POLR1B: variants seen among roughly 807,000 people sequenced by gnomAD.
POLR1B encodes DNA-directed RNA polymerase I subunit RPA2.
POLR1B carries 30 observed loss-of-function variants against 105.8 expected under a neutral mutation model. The observed-to-expected ratio is 0.28, with a 90% CI of 0.21 to 0.38. POLR1B has a LOEUF of 0.38. Among genes scored for constraint, POLR1B ranks in the 10% least tolerant of loss-of-function variants. POLR1B has a pLI of 1.00. For missense variants in POLR1B, 976 were observed against 1,435.8 expected (o/e 0.68, Z 5.17); for synonymous variants, 485 against 505.1 (o/e 0.96, Z 0.53).
intron 12 of POLR1B, among the ~76,000 whole-genome samples, 181 bp from the exon 13 acceptor site, chr2:112,572,381 T>C (rs556803273): frequency 6.6e-6 from 1 of 152,384 alleles, no homozygotes; most frequent in East Asian, 1.9e-4. Context: ...GTCACGTTGA[T>C]ACATTTAGGT....
chr2:112,552,242 C>G (rs1264909327), intron 6 of POLR1B, among the ~76,000 whole-genome samples: 2 of 152,124 alleles, frequency 1.3e-5, no homozygotes, highest in African/African-American at 4.8e-5. Flanking sequence ...TTCAGACTTC[C>G]AGAATAATGT....
At position 112,542,668 on chromosome 2, in the gene POLR1B, G is replaced by C. The variant is rs936805055; in HGVS notation, c.174G>C (p.Val58=). 58 of 1,611,538 alleles carry C rather than the reference G, an allele frequency of 3.6e-5. No individual in the cohort carries two copies. Among genetic ancestry groups the C allele is most frequent in the Non-Finnish European group, 4.7e-5 (55 of 1,178,752 alleles). The change falls in exon 1 of 15, where the codon GTG becomes GTC. Residue 58 remains valine (V), a synonymous_variant. Transcript: ENST00000263331. ...TGCACGAGGGTCTCGGCCTCGCGGT[G>C]CAGGTGAGCGCGGCGTCCGCCGGCG... ...YAVHEGLGLA[V]QAIPPFEFAF...
chr2:112,558,055 C>T lies in POLR1B; in HGVS notation c.1304C>T (p.Ala435Val). 2 of 1,350,158 alleles carry T rather than the reference C, an allele frequency of 1.5e-6. No individual in the cohort carries two copies. The highest frequency in any genetic ancestry group is 1.9e-6 in the Non-Finnish European group (2 of 1,039,418). The allele number at this position is 1,350,158 out of a possible 1,614,324, so 83.6% of individuals were successfully genotyped here. ...DLTKPFEYLF[A>V]TGNLRSKTGL... ...ACAAAACCATTTGAATACCTTTTTG[C>T]TACTGGGAATCTGCGTTCTAAAACA... Residue 435 changes from alanine to valine, a missense_variant, in exon 8 of 15, where the codon GCT becomes GTT. Coordinates refer to ENST00000263331, the MANE Select transcript of POLR1B (RefSeq NM_019014.6).
intron 4 of POLR1B, among the ~76,000 whole-genome samples, chr2:112,550,290 T>G (rs1294662270): frequency 6.6e-6 from 1 of 152,240 alleles, no homozygotes; most frequent in African/African-American, 2.4e-5. Context: ...TGTTGGAACA[T>G]TCTCTTTGAC....
intron 10 of POLR1B, among the ~76,000 whole-genome samples, chr2:112,567,309 TG>T (rs1684337196): frequency 6.6e-6 from 1 of 151,992 alleles, no homozygotes; most frequent in African/African-American, 2.4e-5. Flanking sequence ...TTGTTGTTGT[TG>T]TTGTTGTTGT....
In POLR1B at chr2:112,564,351, T is replaced by C; in HGVS notation, c.1613-15T>C. ...AGCATTCTGATGTGATTGTGCTGTT[T>C]GTTTCCTTTACCAGGGGTCACTCCC... On this transcript the variant is annotated splice_polypyrimidine_tract_variant and intron_variant, in intron 9 of 14. Transcript: ENST00000263331. 1 of 1,613,688 alleles carries C rather than the reference T, an allele frequency of 6.2e-7. No individual in the cohort carries two copies. The highest frequency in any genetic ancestry group is 8.5e-7 in the Non-Finnish European group (1 of 1,179,652).
chr2:112,571,063 A>G (rs933787639), intron 12 of POLR1B, among the ~76,000 whole-genome samples: 1 of 152,176 alleles, frequency 6.6e-6, no homozygotes, highest in Non-Finnish European at 1.5e-5. Flanking sequence ...TACAGGCATG[A>G]GCCATTGCGC....
At chr2:112,571,537 C>T (rs992577500) in intron 12 of POLR1B, among the ~76,000 whole-genome samples, 2 of 152,110 alleles carry the variant, frequency 1.3e-5, no homozygotes, top group Middle Eastern at 3.2e-3. Context: ...ACTTGGTGAA[C>T]GTGGCAGTTG....
chr2:112,565,696 C>T (rs1049049245), intron 10 of POLR1B, among the ~76,000 whole-genome samples: 4 of 151,988 alleles, frequency 2.6e-5, no homozygotes, highest in Non-Finnish European at 5.9e-5. Flanking sequence ...AGCAGCCTGA[C>T]CACAGGACTG....
intron 5 of POLR1B, 139 bp downstream of exon 5, chr2:112,551,141 C>G: frequency 1.1e-6 from 1 of 901,564 alleles, no homozygotes. Flanking sequence ...CGTCAAAATT[C>G]AATAGCTTAA....
chr2:112,569,481 A>C (rs1332189640), intron 12 of POLR1B, among the ~76,000 whole-genome samples: 2 of 152,260 alleles, frequency 1.3e-5, no homozygotes, highest in South Asian at 2.1e-4. Flanking sequence ...TCCAACACTT[A>C]AAAGTTGTTG....
rs1296331899 is a variant in POLR1B, at chr2:112,546,996, G to A, written c.178-16G>A. Reference sequence around the variant, plus strand: ...TTGGAAATGCAAGCAATTTAATAGTGTGAATTGCATTTCAGGCTATACCTC... The same window carrying A: ...TTGGAAATGCAAGCAATTTAATAGTATGAATTGCATTTCAGGCTATACCTC... On this transcript the variant is annotated splice_polypyrimidine_tract_variant and intron_variant, in intron 1 of 14. Coordinates refer to ENST00000263331, the MANE Select transcript of POLR1B (RefSeq NM_019014.6). The A allele has an allele frequency of 1.2e-6, 2 of 1,612,824 alleles. No individual in the cohort carries two copies. The highest frequency in any genetic ancestry group is 1.7e-6 in the Non-Finnish European group (2 of 1,179,196).
intron 10 of POLR1B, among the ~76,000 whole-genome samples, chr2:112,564,849 T>G (rs1684193678): frequency 6.6e-6 from 1 of 152,202 alleles, no homozygotes; most frequent in African/African-American, 2.4e-5. Context: ...ATATGCAAGG[T>G]AGAAGTTATA....
In POLR1B at chr2:112,576,689, T is replaced by C. The variant is rs1432251993; in HGVS notation, c.*960T>C. 6.6e-6 allele frequency: 1 copy of C among 152,346 alleles called. No homozygotes were observed. Among genetic ancestry groups the C allele is most frequent in the South Asian group, 2.1e-4 (1 of 4,826 alleles). The allele number at this position is 152,346 out of a possible 1,614,324, so 9.4% of individuals were successfully genotyped here. A position where few individuals can be genotyped will look rare whatever the true frequency, so the allele number is the denominator to read the frequency against. On this transcript the variant is annotated 3_prime_UTR_variant, in exon 15 of 15. Coordinates refer to ENST00000263331, the MANE Select transcript of POLR1B (RefSeq NM_019014.6). Reference sequence around the variant, plus strand: ...AGCCAGGCATGGTGCTGTGCATCTATAGTCCCTGCTATTTGAGAGGCTGAG... The same window carrying C: ...AGCCAGGCATGGTGCTGTGCATCTACAGTCCCTGCTATTTGAGAGGCTGAG...
At chr2:112,574,725 A>T (rs1452252340) in intron 14 of POLR1B, 122 bp from the exon 15 acceptor site, 13 of 14,360 alleles carry the variant, frequency 9.1e-4, no homozygotes, top group South Asian at 2.4e-3. Context: ...CTGTATCATA[A>T]AAAAAAAAAA....
chr2:112,542,151 A>G, upstream of POLR1B: 1 of 1,535,746 alleles, frequency 6.5e-7, no homozygotes, highest in South Asian at 1.2e-5. Flanking sequence ...TGACTGAGCC[A>G]ATGAGAGCCA....
intron 14 of POLR1B, 55 bp downstream of exon 14, chr2:112,573,870 A>C: frequency 1.3e-6 from 2 of 1,573,658 alleles, no homozygotes; most frequent in Non-Finnish European, 8.7e-7. Flanking sequence ...GTTTTGAGAC[A>C]GGGTCTCAGT....
intron 5 of POLR1B, 81 bp from the exon 6 acceptor site, chr2:112,551,694 A>T: frequency 8.4e-7 from 1 of 1,190,728 alleles, no homozygotes; most frequent in Non-Finnish European, 1.2e-6. Flanking sequence ...TATTAAAAAA[A>T]TGAGAGAAGA....
Position 112,546,815 on chromosome 2 carries a change from G to C in POLR1B, c.178-197G>C, listed in dbSNP as rs1165851055. Reference sequence around the variant, plus strand: ...CCTGACCTTGTGATCCTCCCACCTCGGCCTCCCAAAGTGCTGAGATTACAG... The same window carrying C: ...CCTGACCTTGTGATCCTCCCACCTCCGCCTCCCAAAGTGCTGAGATTACAG... On this transcript the variant is annotated intron_variant, in intron 1 of 14. Coordinates refer to ENST00000263331, the MANE Select transcript of POLR1B (RefSeq NM_019014.6). The C allele has an allele frequency of 1.0e-4, 44 of 439,506 alleles. No individual in the cohort carries two copies. The South Asian group carries it at 1.2e-3, about 12-fold the overall frequency. 27.2% of individuals were successfully genotyped at this position (439,506 alleles called of 1,614,324 possible). A position where few individuals can be genotyped will look rare whatever the true frequency, so the allele number is the denominator to read the frequency against.
Sources: gnomAD v4.1 joint callset for allele counts (sites outside exome capture counted in the v4.1 genomes callset) on GRCh38, gnomAD v4.1.1 for gene constraint, MANE v1.5 for transcripts, NCBI Gene and HGNC (gene_info 2026-07-23, HGNC 2026-07-21) for gene names.